PRKCD: variants seen among roughly 807,000 people sequenced by gnomAD.
PRKCD encodes protein kinase C delta type.
In PRKCD, 20 loss-of-function variants were observed where a neutral mutation model predicts 82.2. The ratio of observed to expected loss-of-function variants is 0.24; its 90% confidence interval spans 0.17 to 0.35. PRKCD has a LOEUF of 0.35. Ranked by LOEUF, PRKCD falls within the 10% of genes least tolerant of loss-of-function variation. The pLI, the probability that PRKCD is intolerant of heterozygous loss-of-function variation, is 1.00. For synonymous variants in PRKCD, 317 were observed against 337.0 expected (o/e 0.94, Z 0.65); for missense variants, 607 against 899.0 (o/e 0.68, Z 4.15).
chr3:53,187,642 A>AC (rs1703758730), intron 15 of PRKCD, among the ~76,000 whole-genome samples: 1 of 151,968 alleles, frequency 6.6e-6, no homozygotes, highest in Non-Finnish European at 1.5e-5. Flanking sequence ...CCATCGCCCC[A>AC]CCCATCCTTG....
chr3:53,185,043 C>T, intron 10 of PRKCD, 69 bp downstream of exon 10: 1 of 1,389,982 alleles, frequency 7.2e-7, no homozygotes, highest in South Asian at 1.2e-5. Context: ...CTTACAGCCA[C>T]TGCTGGGGAG....
In PRKCD at chr3:53,187,320, T is replaced by C. The variant is rs1553669452; in HGVS notation, c.1353-20T>C. On this transcript the variant is annotated intron_variant, in intron 14 of 18. Transcript: ENST00000330452. ...GCTCGGCAGAGATCCCGGAACACTT[T>C]ATCCCTCTCTCTTGCCCAGGTTTTA... The C allele has an allele frequency of 1.9e-6, 3 of 1,613,950 alleles. No homozygotes were observed. The highest frequency in any genetic ancestry group is 2.5e-6 in the Non-Finnish European group (3 of 1,179,940).
chr3:53,186,179 G>T lies in PRKCD; in HGVS notation c.1099G>T (p.Glu367Ter). ...GTCTCCCCATCAGGTGCTGCTTGGA[G>T]AGCTGAAGGGCAGAGGAGAGTACTT... is the stretch of plus-strand genomic sequence containing the variant. ...KGSFGKVLLG[E>*]LKGRGEYFAI... Residue 367 changes from glutamate (E) to a stop codon, truncating the protein, a stop_gained, in exon 13 of 19, where the codon GAG becomes TAG. Transcript: ENST00000330452. LOFTEE classifies it high-confidence loss of function. 1 of 1,613,938 alleles carries T rather than the reference G, an allele frequency of 6.2e-7. No individual in the cohort carries two copies.
chr3:53,185,447 G>A (rs551200375), intron 10 of PRKCD, among the ~76,000 whole-genome samples, 157 bp from the exon 11 acceptor site: 3 of 152,332 alleles, frequency 2.0e-5, no homozygotes, highest in South Asian at 4.1e-4. Flanking sequence ...GGAAGAGTGC[G>A]TGTGTGTACA....
In PRKCD at chr3:53,192,366, C is replaced by CGCCCCT; in HGVS notation, c.*106_*111dup. On this transcript the variant is annotated 3_prime_UTR_variant, in exon 19 of 19. Transcript: ENST00000330452. Reference sequence around the variant, plus strand: ...CTGTGGTGACTTCTGCTGCTGGCCCCGCCCCTGCCCCCAGAGCGTCCTTGG... The same window carrying CGCCCCT: ...CTGTGGTGACTTCTGCTGCTGGCCCCGCCCCTGCCCCTGCCCCCAGAGCGTCCTTGG... 7.0e-7 allele frequency: 1 copy of CGCCCCT among 1,428,836 alleles called. No homozygotes were observed. The highest frequency in any genetic ancestry group is 9.7e-7 in the Non-Finnish European group (1 of 1,033,290). 88.5% of individuals were successfully genotyped at this position (1,428,836 alleles called of 1,614,324 possible). A position where few individuals can be genotyped will look rare whatever the true frequency, so the allele number is the denominator to read the frequency against.
rs1477280554 is a variant in PRKCD, at chr3:53,163,034, G to A, written c.-132+1606G>A. 2.6e-5 allele frequency among the ~76,000 whole-genome samples: 4 copies of A among 151,672 alleles called. No individual in the cohort carries two copies. In the East Asian group the frequency reaches 7.8e-4, roughly 30 times the overall value. ...GAGTGAGCTGGGGCTTGGTGAGCAGGCCAGCAGAGGGAGGCTGTATGGTGC... is the reference window on the plus strand; with the variant it reads ...GAGTGAGCTGGGGCTTGGTGAGCAGACCAGCAGAGGGAGGCTGTATGGTGC... On this transcript the variant is annotated intron_variant, in intron 1 of 18. Coordinates refer to ENST00000330452, the MANE Select transcript of PRKCD (RefSeq NM_006254.4).
At chr3:53,182,921 G>A (rs993324050) in intron 7 of PRKCD, among the ~76,000 whole-genome samples, 200 bp from the exon 8 acceptor site, 3 of 152,130 alleles carry the variant, frequency 2.0e-5, no homozygotes, top group African/African-American at 7.2e-5. Flanking sequence ...TGTCCTCTCC[G>A]CCCCGTCCTC....
rs1431340483 is a variant in PRKCD, at chr3:53,190,054, C to T, written c.1872+53C>T. The T allele has an allele frequency of 5.6e-6, 9 of 1,605,408 alleles. No individual in the cohort carries two copies. The African/African-American group carries it at 9.4e-5, about 17-fold the overall frequency. On this transcript the variant is annotated intron_variant, in intron 18 of 18. Coordinates refer to ENST00000330452, the MANE Select transcript of PRKCD (RefSeq NM_006254.4). Reference sequence around the variant, plus strand: ...CAGGCTGAGCTACTCCTCTCCTGCCCTCCCTCTCTCCTGCATCATTCACAC... The same window carrying T: ...CAGGCTGAGCTACTCCTCTCCTGCCTTCCCTCTCTCCTGCATCATTCACAC...
chr3:53,162,163 C>T (rs1393803400), intron 1 of PRKCD, among the ~76,000 whole-genome samples: 1 of 152,106 alleles, frequency 6.6e-6, no homozygotes, highest in Non-Finnish European at 1.5e-5. Context: ...CCCCTCCGCC[C>T]CTCTGAGACC....
intron 1 of PRKCD, among the ~76,000 whole-genome samples, chr3:53,162,528 G>T (rs1356862021): frequency 3.3e-5 from 5 of 152,348 alleles, no homozygotes; most frequent in African/African-American, 1.2e-4. Context: ...GTCTGTGTCA[G>T]CTTCTGTGCT....
rs1553664482 is a variant in PRKCD at position 53,169,405 on chromosome 3, G to A, written c.-20+4190G>A. Among the ~76,000 whole-genome samples the A allele has an allele frequency of 6.6e-6, 1 of 152,202 alleles. No individual in the cohort carries two copies. Among genetic ancestry groups the A allele is most frequent in the African/African-American group, 2.4e-5 (1 of 41,456 alleles). On this transcript the variant is annotated intron_variant, in intron 2 of 18. Coordinates refer to ENST00000330452, the MANE Select transcript of PRKCD (RefSeq NM_006254.4). The surrounding 1 kb of genome is among the most constrained non-coding windows in gnomAD (Gnocchi z 4.7). Reference sequence around the variant, plus strand: ...TTGAGAGGCCCACGAACAGGACTGGGATGGCTGTCCCTCAAAGGTCTCTGC... The same window carrying A: ...TTGAGAGGCCCACGAACAGGACTGGAATGGCTGTCCCTCAAAGGTCTCTGC...
At chr3:53,172,264 A>G (rs573817669) in intron 2 of PRKCD, among the ~76,000 whole-genome samples, 2 of 152,074 alleles carry the variant, frequency 1.3e-5, no homozygotes, top group Non-Finnish European at 2.9e-5. Flanking sequence ...TGAAACCTGC[A>G]TGGCCTCCTT....
At chr3:53,190,514 G>A (rs1703887638) in intron 18 of PRKCD, among the ~76,000 whole-genome samples, 1 of 152,180 alleles carries the variant, frequency 6.6e-6, no homozygotes, top group Non-Finnish European at 1.5e-5. Context: ...GCAGAGAAGA[G>A]GGTGGGTCTG....
Position 53,188,811 on chromosome 3 carries a change from AG to A in PRKCD, c.1508del (p.Ser503ThrfsTer21). On this transcript the variant is annotated frameshift_variant, in exon 16 of 19. Coordinates refer to ENST00000330452, the MANE Select transcript of PRKCD (RefSeq NM_006254.4). LOFTEE classifies it high-confidence loss of function. ...GMCKENIFGE[S>X]RASTFCGTPD... ...GTGCAAAGAGAACATATTCGGGGAG[AG>A]CCGGGCCAGCACCTTCTGCGGCACC... 6.2e-7 allele frequency: 1 copy of A among 1,614,090 alleles called. No homozygotes were observed. Among genetic ancestry groups the A allele is most frequent in the Non-Finnish European group, 8.5e-7 (1 of 1,180,016 alleles).
At chr3:53,181,172 G>A (rs1553667358) in intron 4 of PRKCD, 35 bp from the exon 5 acceptor site, 12 of 1,608,254 alleles carry the variant, frequency 7.5e-6, no homozygotes, top group Admixed American at 1.7e-5. Context: ...TGCCCTCACT[G>A]ACCTTGTTCT....
chr3:53,168,846 CG>C (rs1162674193), intron 2 of PRKCD, among the ~76,000 whole-genome samples: 153 of 10,636 alleles, frequency 0.014, 2 homozygotes, highest in Admixed American at 0.12. Flanking sequence ...AGGGGGGTGG[CG>C]GGGGGCAGGC....
intron 1 of PRKCD, among the ~76,000 whole-genome samples, chr3:53,162,474 C>T (rs1430586008): frequency 6.6e-6 from 1 of 152,200 alleles, no homozygotes; most frequent in Non-Finnish European, 1.5e-5. Flanking sequence ...AAGCTGTCTC[C>T]TTGTGCTAAG....
At chr3:53,163,382 T>TGTG (rs2107214349) in intron 1 of PRKCD, among the ~76,000 whole-genome samples, 1 of 151,450 alleles carries the variant, frequency 6.6e-6, no homozygotes, top group South Asian at 2.1e-4. Flanking sequence ...TGTGGGGGTG[T>TGTG]GTGTGTGAGT....
chr3:53,174,546 C>G (rs1451490976), intron 2 of PRKCD, among the ~76,000 whole-genome samples: 1 of 152,194 alleles, frequency 6.6e-6, no homozygotes, highest in East Asian at 1.9e-4. Context: ...CTGCTTCACC[C>G]CCATCTCCCT....
Sources: allele counts gnomAD v4.1 joint callset (sites outside exome capture counted in the v4.1 genomes callset), GRCh38; gene constraint gnomAD v4.1.1; non-coding constraint Gnocchi (gnomAD v3.1); transcripts MANE v1.5; gene names NCBI Gene and HGNC (gene_info 2026-07-23, HGNC 2026-07-21).